TP73: variants seen among roughly 807,000 people sequenced by gnomAD.
TP73 encodes p53-like transcription factor.
TP73 carries 25 observed loss-of-function variants against 62.5 expected under a neutral mutation model. The ratio of observed to expected loss-of-function variants is 0.40; its 90% CI spans 0.29 to 0.56. The LOEUF (loss-of-function observed/expected upper bound fraction) is 0.56. Among genes scored for constraint, TP73 ranks in the 20% least tolerant of loss-of-function variants. The pLI is 0.46. For synonymous variants in TP73, 423 were observed against 377.5 expected (o/e 1.12, Z -1.40); for missense variants, 754 against 913.3 (o/e 0.83, Z 2.25).
Position 3,733,249 on chromosome 1 carries a change from G to T in TP73, c.*170G>T. 1.3e-6 allele frequency: 1 copy of T among 785,204 alleles called. No individual in the cohort carries two copies. The highest frequency in any genetic ancestry group is 1.9e-5 in the South Asian group (1 of 53,860). The allele number at this position is 785,204 out of a possible 1,614,324, so 48.6% of individuals were successfully genotyped here. On this transcript the variant is annotated 3_prime_UTR_variant, in exon 14 of 14. Transcript: ENST00000378295. ...CCTCACAGGCCCCAGGAAAGGCCCA[G>T]CCACCGAAGCCGCCTGTGGACAGCC... is the stretch of plus-strand genomic sequence containing the variant.
intron 6 of TP73, among the ~76,000 whole-genome samples, chr1:3,725,995 GA>G (rs202036547): frequency 1.9e-5 from 2 of 102,682 alleles, no homozygotes; most frequent in East Asian, 3.5e-4. Flanking sequence ...GGATGGATGG[GA>G]TGGGTGGATG....
intron 3 of TP73, among the ~76,000 whole-genome samples, chr1:3,688,618 G>T (rs1345833908): frequency 6.6e-6 from 1 of 152,230 alleles, no homozygotes; most frequent in South Asian, 2.1e-4. Flanking sequence ...CGCCAAGGGG[G>T]TGTGGCCCCA....
chr1:3,672,750 C>T lies in TP73; in HGVS notation c.-33-9583C>T, dbSNP rs940163118. 4.6e-5 allele frequency among the ~76,000 whole-genome samples: 7 copies of T among 152,176 alleles called. No homozygotes were observed. The highest frequency in any genetic ancestry group is 1.7e-4 in the African/African-American group (7 of 41,428). On this transcript the variant is annotated intron_variant, in intron 1 of 13. Coordinates refer to ENST00000378295, the MANE Select transcript of TP73 (RefSeq NM_005427.4). The surrounding 1 kb of genome is among the most constrained non-coding windows in gnomAD (Gnocchi z 5.3). The stretch of plus-strand genomic sequence containing the variant: ...GCTCCTGGCAGGAAACATCACCAAG[C>T]TCAGCGCCCCAGTTCCCTGACAGGG...
At chr1:3,692,334 C>T (rs957035496) in intron 3 of TP73, among the ~76,000 whole-genome samples, 1 of 152,154 alleles carries the variant, frequency 6.6e-6, no homozygotes, top group Admixed American at 6.5e-5. Flanking sequence ...CACAGCCTGC[C>T]CAGATGCTGG....
intron 1 of TP73, among the ~76,000 whole-genome samples, chr1:3,679,507 C>A (rs1016081623): frequency 6.6e-6 from 1 of 151,392 alleles, no homozygotes; most frequent in Non-Finnish European, 1.5e-5. Flanking sequence ...CTCTCCCTGT[C>A]TCTCTGTCTC....
intron 3 of TP73, among the ~76,000 whole-genome samples, chr1:3,706,673 A>C (rs1197106334): frequency 6.6e-6 from 1 of 152,042 alleles, no homozygotes; most frequent in East Asian, 1.9e-4. Flanking sequence ...TGGATCTGAG[A>C]CATCGAGGCC....
chr1:3,657,708 C>A (rs534811950), intron 1 of TP73, among the ~76,000 whole-genome samples: 5 of 152,292 alleles, frequency 3.3e-5, no homozygotes, highest in African/African-American at 1.2e-4. Flanking sequence ...CTTTTCAGGA[C>A]GAGGATCTTG....
intron 1 of TP73, among the ~76,000 whole-genome samples, chr1:3,667,654 G>A (rs1645150152): frequency 6.6e-6 from 1 of 151,606 alleles, no homozygotes; most frequent in African/African-American, 2.4e-5. Context: ...GGAGGCTGAG[G>A]CATGAGAATC....
intron 5 of TP73, among the ~76,000 whole-genome samples, chr1:3,722,510 C>G (rs1020862723): frequency 6.6e-6 from 1 of 152,176 alleles, no homozygotes; most frequent in Admixed American, 6.5e-5. Context: ...GCAGGGCCTA[C>G]GGGCTACCCC....
chr1:3,654,300 C>T (rs1012242282), intron 1 of TP73, among the ~76,000 whole-genome samples: 6 of 152,112 alleles, frequency 3.9e-5, no homozygotes, highest in South Asian at 2.1e-4. Context: ...CTATGCGCGG[C>T]GGCCACCAGA....
intron 4 of TP73, among the ~76,000 whole-genome samples, chr1:3,710,323 C>T (rs1640029938): frequency 6.6e-6 from 1 of 152,206 alleles, no homozygotes; most frequent in East Asian, 1.9e-4. Context: ...TTTTTGGCAC[C>T]TCAGCTCTCT....
intron 1 of TP73, among the ~76,000 whole-genome samples, chr1:3,678,244 G>A (rs1645419111): frequency 6.6e-6 from 1 of 152,238 alleles, no homozygotes; most frequent in South Asian, 2.1e-4. Context: ...GGGAAAATTG[G>A]ATTTAATTGA....
chr1:3,714,941 G>A (rs1412604479), intron 4 of TP73, among the ~76,000 whole-genome samples: 1 of 152,238 alleles, frequency 6.6e-6, no homozygotes, highest in Non-Finnish European at 1.5e-5. Context: ...CCGGGCTTGG[G>A]CAGAGTGACA....
chr1:3,707,915 G>C, intron 4 of TP73, 124 bp downstream of exon 4: 1 of 1,439,396 alleles, frequency 6.9e-7, no homozygotes. Flanking sequence ...TTCCCACCTG[G>C]CCCGGGCCAG....
At position 3,686,041 on chromosome 1, in the gene TP73, G is replaced by A. The variant is rs1374845560; in HGVS notation, c.186+2861G>A. On this transcript the variant is annotated intron_variant, in intron 3 of 13. Coordinates refer to ENST00000378295, the MANE Select transcript of TP73 (RefSeq NM_005427.4). ...TGGCTCAGGTGGGGGGCCTGCTTGT[G>A]GAAGTGGCTGCACACGCACCTGCCC... Among the ~76,000 whole-genome samples, 3 of 152,216 alleles carry A rather than the reference G, an allele frequency of 2.0e-5. No homozygotes were observed. The East Asian group carries it at 5.8e-4, about 29-fold the overall frequency.
Position 3,722,119 on chromosome 1 carries a change from G to A in TP73, c.528G>A (p.Arg176=), listed in dbSNP as rs758301644. ...CGCCACCCCCAGGCACCGCCATCCG[G>A]GCCATGCCTGTTTACAAGAAAGCGG... ...STPPPPGTAI[R]AMPVYKKAEH... is the part of the protein sequence containing the mutation. The change falls in exon 5 of 14, where the codon CGG becomes CGA. Residue 176 remains arginine, a synonymous_variant. Coordinates refer to ENST00000378295, the MANE Select transcript of TP73 (RefSeq NM_005427.4). 6.2e-7 allele frequency: 1 copy of A among 1,612,830 alleles called. No homozygotes were observed. The highest frequency in any genetic ancestry group is 1.1e-5 in the South Asian group (1 of 91,080).
intron 3 of TP73, among the ~76,000 whole-genome samples, chr1:3,703,349 G>A (rs750906300): frequency 6.6e-6 from 1 of 152,200 alleles, no homozygotes. Context: ...GATGAGAGGG[G>A]ACCAGAGGGA....
chr1:3,727,437 T>C, intron 7 of TP73, 191 bp from the exon 8 acceptor site: 1 of 980,394 alleles, frequency 1.0e-6, no homozygotes, highest in South Asian at 1.7e-5. Context: ...CCCGGCGAGG[T>C]CTCAGGGCAG....
At chr1:3,674,512 C>T (rs1326615611) in intron 1 of TP73, among the ~76,000 whole-genome samples, 3 of 152,246 alleles carry the variant, frequency 2.0e-5, no homozygotes, top group Non-Finnish European at 2.9e-5. Flanking sequence ...GACAGGCCTT[C>T]GTCCCTGCCC....
Sources: allele counts gnomAD v4.1 joint callset (sites outside exome capture counted in the v4.1 genomes callset), GRCh38; gene constraint gnomAD v4.1.1; non-coding constraint Gnocchi (gnomAD v3.1); transcripts MANE v1.5; gene names NCBI Gene and HGNC (gene_info 2026-07-23, HGNC 2026-07-21).